Variants in NCKAP5 observed in about 807,000 individuals in gnomAD.
NCKAP5 encodes the protein nck-associated protein 5.
Under a neutral mutation model 167.0 loss-of-function variants are expected in NCKAP5, and 92 were observed. The observed-to-expected ratio is 0.55, with a 90% CI of 0.47 to 0.66. The LOEUF is 0.66. Among genes scored for constraint, NCKAP5 ranks in the 30% least tolerant of loss-of-function variants. NCKAP5 has a pLI of 0.00. For missense variants in NCKAP5, 2,378 were observed against 2,315.0 expected (o/e 1.03, Z -0.56); for synonymous variants, 891 against 877.4 (o/e 1.02, Z -0.27).
At chr2:133,213,138 T>C (rs367905872) in intron 5 of NCKAP5, among the ~76,000 whole-genome samples, 2 of 152,180 alleles carry the variant, frequency 1.3e-5, no homozygotes, top group African/African-American at 4.8e-5. Flanking sequence ...CAGAGGCAGA[T>C]ACTTCGGCAA....
chr2:132,750,049 G>A (rs993274217), intron 16 of NCKAP5, among the ~76,000 whole-genome samples: 5 of 152,106 alleles, frequency 3.3e-5, no homozygotes, highest in Non-Finnish European at 5.9e-5. Flanking sequence ...GTTAATAAGC[G>A]GCAAAACTAT....
At chr2:133,204,376 C>A (rs142459411) in intron 5 of NCKAP5, among the ~76,000 whole-genome samples, 26 of 152,110 alleles carry the variant, frequency 1.7e-4, no homozygotes, top group African/African-American at 6.0e-4. Flanking sequence ...AAGACTCCCC[C>A]CCATCAGAGG....
chr2:132,849,262 C>T (rs781228925), intron 11 of NCKAP5, among the ~76,000 whole-genome samples: 1 of 151,942 alleles, frequency 6.6e-6, no homozygotes, highest in Non-Finnish European at 1.5e-5. Context: ...TGAAAGTTAA[C>T]CACAAGATTA....
At chr2:132,853,864 C>T (rs891999086) in intron 11 of NCKAP5, among the ~76,000 whole-genome samples, 10 of 152,212 alleles carry the variant, frequency 6.6e-5, no homozygotes, top group African/African-American at 1.9e-4. Context: ...ATTATCCTGA[C>T]CCATCTAAAC....
At chr2:132,917,244 A>G (rs890554037) in intron 8 of NCKAP5, among the ~76,000 whole-genome samples, 3 of 152,218 alleles carry the variant, frequency 2.0e-5, no homozygotes, top group African/African-American at 7.2e-5. Flanking sequence ...TGGCAGAAAA[A>G]TGACTTAAAA....
chr2:133,023,758 G>A (rs192161784), intron 6 of NCKAP5, among the ~76,000 whole-genome samples: 105 of 152,240 alleles, frequency 6.9e-4, no homozygotes, highest in African/African-American at 1.3e-3. Context: ...CTGCATCCAC[G>A]CTGCTGCAGA....
At chr2:133,227,682 C>G (rs2086956759) in intron 4 of NCKAP5, among the ~76,000 whole-genome samples, 1 of 152,182 alleles carries the variant, frequency 6.6e-6, no homozygotes, top group African/African-American at 2.4e-5. Flanking sequence ...GATCATCTGC[C>G]AATTCATTTT....
chr2:132,875,149 T>TA (rs1463150356), intron 9 of NCKAP5, among the ~76,000 whole-genome samples: 4 of 152,116 alleles, frequency 2.6e-5, no homozygotes, highest in Admixed American at 1.3e-4. Flanking sequence ...TGTGGTGCTT[T>TA]AAAAAAACAG....
chr2:133,313,069 A>G (rs1163416756), intron 3 of NCKAP5, among the ~76,000 whole-genome samples: 1 of 152,062 alleles, frequency 6.6e-6, no homozygotes, highest in African/African-American at 2.4e-5. Flanking sequence ...AGTTCAGCAC[A>G]TTTTTTCACT....
the NCKAP5 span, among the ~76,000 whole-genome samples, chr2:133,619,822 A>T: frequency 6.6e-6 from 1 of 152,154 alleles, no homozygotes; most frequent in Non-Finnish European, 1.5e-5. Flanking sequence ...TAAAGTCAAG[A>T]CGAAGGAAAA....
intron 3 of NCKAP5, among the ~76,000 whole-genome samples, chr2:133,356,477 T>C (rs1311738859): frequency 6.6e-6 from 1 of 152,206 alleles, no homozygotes; most frequent in Non-Finnish European, 1.5e-5. Flanking sequence ...CCTGGAGCTG[T>C]CAGAGGAAAA....
chr2:133,520,046 C>T (rs1684346065), intron 2 of NCKAP5, among the ~76,000 whole-genome samples: 1 of 152,044 alleles, frequency 6.6e-6, no homozygotes, highest in South Asian at 2.1e-4. Flanking sequence ...AAAAAATTAG[C>T]TGGGCATGGT....
chr2:133,557,025 C>T (rs750300259), intron 2 of NCKAP5, among the ~76,000 whole-genome samples: 1 of 152,138 alleles, frequency 6.6e-6, no homozygotes, highest in Non-Finnish European at 1.5e-5. Flanking sequence ...TCCTGATAAG[C>T]TCAATAGAGG....
intron 16 of NCKAP5, among the ~76,000 whole-genome samples, chr2:132,764,743 C>T (rs921851515): frequency 6.6e-6 from 1 of 152,218 alleles, no homozygotes; most frequent in Non-Finnish European, 1.5e-5. Flanking sequence ...TTATCAATAG[C>T]TCTTCCTGCC....
chr2:133,252,307 A>G (rs2088384818), intron 4 of NCKAP5, among the ~76,000 whole-genome samples: 1 of 152,224 alleles, frequency 6.6e-6, no homozygotes, highest in Non-Finnish European at 1.5e-5. Flanking sequence ...CCTTAAATGG[A>G]AAGAAATCCA....
intron 3 of NCKAP5, among the ~76,000 whole-genome samples, chr2:133,473,254 C>G (rs1679519259): frequency 6.6e-6 from 1 of 152,242 alleles, no homozygotes; most frequent in East Asian, 1.9e-4. Context: ...ATCGCTTGAA[C>G]CCGGGAGTCA....
At chr2:133,457,151 T>C (rs770749606) in intron 3 of NCKAP5, among the ~76,000 whole-genome samples, 2 of 152,156 alleles carry the variant, frequency 1.3e-5, no homozygotes, top group African/African-American at 2.4e-5. Flanking sequence ...CTGATTCCCA[T>C]GTGGCCGGCC....
intron 10 of NCKAP5, among the ~76,000 whole-genome samples, chr2:132,862,517 G>A (rs1689991188): frequency 6.6e-6 from 1 of 152,144 alleles, no homozygotes; most frequent in Non-Finnish European, 1.5e-5. Context: ...ATGCCATTTG[G>A]CAGAGGCCAT....
At chr2:133,317,768 TGTGATGCCCTATGCCAACACCAGG>T (rs1190627579) in intron 3 of NCKAP5, among the ~76,000 whole-genome samples, 1 of 152,164 alleles carries the variant, frequency 6.6e-6, no homozygotes, top group Non-Finnish European at 1.5e-5. Flanking sequence ...GGTATTTCAA[TGTGATGCCCTATGCCAACACCAGG>T]ACTGGTATAA....
Sources: allele counts gnomAD v4.1 joint callset (sites outside exome capture counted in the v4.1 genomes callset), GRCh38; gene constraint gnomAD v4.1.1; transcripts MANE v1.5; gene names NCBI Gene and HGNC (gene_info 2026-07-23, HGNC 2026-07-21).